TNFRSF10A: variants seen among roughly 807,000 people sequenced by gnomAD.
The protein encoded by TNFRSF10A is TNF receptor superfamily member 10a.
In TNFRSF10A, 44 loss-of-function variants were observed where a neutral mutation model predicts 42.8. The ratio of observed to expected loss-of-function variants is 1.03; its 90% confidence interval spans 0.81 to 1.32. TNFRSF10A has a LOEUF of 1.32. TNFRSF10A is among the 40% of genes most tolerant of loss of function. The pLI is 0.00. For missense variants in TNFRSF10A, 680 were observed against 602.0 expected, an observed-to-expected ratio of 1.13 and a Z score of -1.36; for synonymous variants, 259 against 234.2, an observed-to-expected ratio of 1.11 and a Z score of -0.97.
intron 8 of TNFRSF10A, among the ~76,000 whole-genome samples, chr8:23,198,733 A>ATG (rs975738218): frequency 6.6e-6 from 1 of 151,958 alleles, no homozygotes; most frequent in African/African-American, 2.4e-5. Context: ...GGGTACGTGC[A>ATG]TGTGTGTGTG....
intron 2 of TNFRSF10A, among the ~76,000 whole-genome samples, chr8:23,205,086 A>G (rs1050835184): frequency 5.3e-5 from 8 of 152,150 alleles, no homozygotes; most frequent in Non-Finnish European, 7.3e-5. Flanking sequence ...GCAGAAATTA[A>G]TGAGACGGAG....
At chr8:23,218,309 C>T (rs934765893) in intron 1 of TNFRSF10A, among the ~76,000 whole-genome samples, 19 of 152,082 alleles carry the variant, frequency 1.2e-4, no homozygotes, top group African/African-American at 3.9e-4. Context: ...TTGTTCCTCT[C>T]GGATTAGCAT....
intron 1 of TNFRSF10A, 80 bp from the exon 2 acceptor site, chr8:23,212,292 C>T (rs2128850363): frequency 8.2e-7 from 1 of 1,221,306 alleles, no homozygotes; most frequent in South Asian, 1.2e-5. Flanking sequence ...TTCCATTCCC[C>T]CAAGCCTCCA....
At position 23,225,047 on chromosome 8, in the gene TNFRSF10A, T is replaced by C; in HGVS notation, c.15A>G (p.Pro5=). The C allele has an allele frequency of 6.5e-7, 1 of 1,532,810 alleles. No individual in the cohort carries two copies. Among genetic ancestry groups the C allele is most frequent in the Non-Finnish European group, 8.8e-7 (1 of 1,139,618 alleles). 95.0% of individuals were successfully genotyped at this position (1,532,810 alleles called of 1,614,324 possible). ...GGAACGCACCTAGATGTACTCTAGC[T>C]GGTGGTGGCGCCATCCTGCCAGGTC... MAPP[P]ARVHLGAFLA... is the part of the protein sequence containing the mutation. Residue 5 remains proline (P), a synonymous_variant, in exon 1 of 10, where the codon CCA becomes CCG. Coordinates refer to ENST00000221132, the MANE Select transcript of TNFRSF10A (RefSeq NM_003844.4).
intron 9 of TNFRSF10A, 124 bp downstream of exon 9, chr8:23,197,008 C>A: frequency 7.8e-7 from 1 of 1,275,918 alleles, no homozygotes; most frequent in Non-Finnish European, 1.1e-6. Flanking sequence ...TGGTCTATAG[C>A]ATAGGACCCC....
intron 3 of TNFRSF10A, 137 bp from the exon 4 acceptor site, chr8:23,202,056 C>A: frequency 1.4e-6 from 1 of 714,426 alleles, no homozygotes; most frequent in South Asian, 1.7e-5. Context: ...GATTCTGCAC[C>A]AGCACACTCG....
intron 2 of TNFRSF10A, among the ~76,000 whole-genome samples, chr8:23,206,197 A>G (rs1352045825): frequency 6.6e-6 from 1 of 152,214 alleles, no homozygotes; most frequent in Non-Finnish European, 1.5e-5. Flanking sequence ...TAAAAATTAA[A>G]AAGTTTATAA....
chr8:23,208,067 C>T (rs369220957), intron 2 of TNFRSF10A, among the ~76,000 whole-genome samples: 1 of 152,158 alleles, frequency 6.6e-6, no homozygotes, highest in African/African-American at 2.4e-5. Context: ...AAGTGTGGAA[C>T]TTCCTAGAGA....
At chr8:23,207,291 T>A (rs886107504) in intron 2 of TNFRSF10A, 5 of 600,876 alleles carry the variant, frequency 8.3e-6, no homozygotes, top group Non-Finnish European at 1.6e-5. Context: ...TTAGGCCTGA[T>A]GGAGAGAAGA....
Position 23,191,852 on chromosome 8 carries a change from T to G in TNFRSF10A, c.1249A>C (p.Asn417His). The G allele has an allele frequency of 6.5e-7, 1 of 1,546,078 alleles. No homozygotes were observed. Among genetic ancestry groups the G allele is most frequent in the Non-Finnish European group, 8.7e-7 (1 of 1,144,490 alleles). Reference sequence around the variant, plus strand: ...ATCGAGGCGTTCCGTCCAGTTTTGTTGACCCATTTCATCAGCATTGCATAC... The same window carrying G: ...ATCGAGGCGTTCCGTCCAGTTTTGTGGACCCATTTCATCAGCATTGCATAC... ...ALYAMLMKWV[N>H]KTGRNASIHT... is the part of the protein sequence containing the mutation. Residue 417 changes from asparagine (N) to histidine (H), a missense_variant, in exon 10 of 10, where the codon AAC becomes CAC. Asn to His is a moderately conservative substitution (Grantham distance 68). Coordinates refer to ENST00000221132, the MANE Select transcript of TNFRSF10A (RefSeq NM_003844.4).
chr8:23,213,234 A>G (rs1585286177), intron 1 of TNFRSF10A, among the ~76,000 whole-genome samples: 2 of 151,798 alleles, frequency 1.3e-5, no homozygotes. Context: ...AGTTGTTTTA[A>G]ATGTCCCCTC....
chr8:23,193,848 A>G (rs968076811), intron 9 of TNFRSF10A, among the ~76,000 whole-genome samples: 1 of 152,210 alleles, frequency 6.6e-6, no homozygotes, highest in African/African-American at 2.4e-5. Flanking sequence ...CTTTTGTAAT[A>G]CTGTTTGGCT....
chr8:23,208,444 C>CT (rs1328457660), intron 2 of TNFRSF10A, among the ~76,000 whole-genome samples: 3 of 152,042 alleles, frequency 2.0e-5, no homozygotes, highest in East Asian at 3.9e-4. Flanking sequence ...GTATATAATT[C>CT]TTTTTTTGTT....
At chr8:23,202,365 C>T (rs930454216) in intron 3 of TNFRSF10A, among the ~76,000 whole-genome samples, 6 of 152,322 alleles carry the variant, frequency 3.9e-5, no homozygotes, top group African/African-American at 1.2e-4. Flanking sequence ...AGAGCAGACC[C>T]GTACCACCGC....
intron 2 of TNFRSF10A, among the ~76,000 whole-genome samples, chr8:23,207,900 G>GA (rs71208593): frequency 0.21 from 26,808 of 124,778 alleles, 3,012 homozygotes; most frequent in Non-Finnish European, 0.27. Flanking sequence ...TCAGCAGCAC[G>GA]AAAAAAAAAA....
chr8:23,195,909 T>C (rs1025200980), intron 9 of TNFRSF10A, among the ~76,000 whole-genome samples: 11 of 152,178 alleles, frequency 7.2e-5, no homozygotes, highest in African/African-American at 2.7e-4. Context: ...GACTGTGGGA[T>C]TGATAAATAG....
At chr8:23,222,863 C>A (rs762594991) in intron 1 of TNFRSF10A, among the ~76,000 whole-genome samples, 1 of 152,016 alleles carries the variant, frequency 6.6e-6, no homozygotes, top group Admixed American at 6.6e-5. Context: ...GTCTCCCTTC[C>A]GGATCTCATC....
rs777061458 is a variant in TNFRSF10A, at chr8:23,224,920, G to T, written c.142C>A (p.Arg48=). 6.3e-7 allele frequency: 1 copy of T among 1,598,968 alleles called. No individual in the cohort carries two copies. The highest frequency in any genetic ancestry group is 8.5e-7 in the Non-Finnish European group (1 of 1,173,060). ...WGSSAGRIEP[R]GGGRGALPTS... ...GGGAGCGCTCCTCGGCCCCCGCCTC[G>T]TGGTTCAATCCTCCCCGCGGAAGAG... Residue 48 remains arginine (R), a synonymous_variant, in exon 1 of 10, where the codon CGA becomes AGA. Coordinates refer to ENST00000221132, the MANE Select transcript of TNFRSF10A (RefSeq NM_003844.4).
At chr8:23,203,524 T>C (rs1467970395) in intron 2 of TNFRSF10A, among the ~76,000 whole-genome samples, 5 of 152,210 alleles carry the variant, frequency 3.3e-5, no homozygotes, top group Admixed American at 2.0e-4. Flanking sequence ...CGGGAGCCCA[T>C]GTCTGGAGGC....
Sources: gnomAD v4.1 joint callset for allele counts (sites outside exome capture counted in the v4.1 genomes callset) on GRCh38, gnomAD v4.1.1 for gene constraint, MANE v1.5 for transcripts, NCBI Gene and HGNC (gene_info 2026-07-23, HGNC 2026-07-21) for gene names.